Variants in CDH18 observed in about 807,000 individuals in gnomAD.
CDH18 encodes the protein cadherin 18, also known as cadherin-18.
Under a neutral mutation model 67.9 loss-of-function variants are expected in CDH18, and 31 were observed. That is an observed-to-expected ratio of 0.46 (90% CI 0.34 to 0.62). CDH18 has a LOEUF of 0.62. CDH18 is among the 20% of genes least tolerant of loss of function. The probability of loss-of-function intolerance (pLI) is 0.01; values close to 1 mark genes in which losing one functional copy is unlikely to be tolerated. For synonymous variants in CDH18, 362 were observed against 347.2 expected (o/e 1.04, Z -0.48); for missense variants, 890 against 975.5 (o/e 0.91, Z 1.17).
chr5:20,324,086 T>C (rs1194076715), intron 1 of CDH18, among the ~76,000 whole-genome samples: 1 of 152,212 alleles, frequency 6.6e-6, no homozygotes, highest in Non-Finnish European at 1.5e-5. Context: ...ATCAACTAGT[T>C]GTTTTCCAAA....
At chr5:20,211,250 C>G (rs187541766) in intron 2 of CDH18, among the ~76,000 whole-genome samples, 2 of 152,202 alleles carry the variant, frequency 1.3e-5, no homozygotes, top group East Asian at 3.9e-4. Context: ...AACAAAGCAG[C>G]CGGGAAGCTC....
At chr5:20,223,500 G>A (rs143655095) in intron 2 of CDH18, among the ~76,000 whole-genome samples, 8,656 of 152,108 alleles carry the variant, frequency 0.057, 313 homozygotes, top group African/African-American at 0.088. Flanking sequence ...TAAGACTTTT[G>A]GGGACTGTTG....
At chr5:20,131,593 G>A (rs2126476612) in intron 2 of CDH18, among the ~76,000 whole-genome samples, 2 of 152,150 alleles carry the variant, frequency 1.3e-5, no homozygotes, top group Middle Eastern at 6.8e-3. Flanking sequence ...GTACATTTGT[G>A]TGTCTGTATG....
chr5:19,922,479 A>G (rs1792599794), intron 2 of CDH18, among the ~76,000 whole-genome samples: 1 of 152,182 alleles, frequency 6.6e-6, no homozygotes, highest in South Asian at 2.1e-4. Context: ...ATAAGCATCA[A>G]ATGCTATCAT....
At chr5:19,498,101 A>G (rs532395712) in intron 11 of CDH18, among the ~76,000 whole-genome samples, 1 of 152,282 alleles carries the variant, frequency 6.6e-6, no homozygotes, top group Admixed American at 6.5e-5. Context: ...CAACTAAGGA[A>G]TCTTAAATTT....
chr5:19,930,539 C>A (rs995034080), intron 2 of CDH18, among the ~76,000 whole-genome samples: 5 of 152,026 alleles, frequency 3.3e-5, no homozygotes, highest in Admixed American at 2.6e-4. Context: ...GTTCTACAAT[C>A]ATATCAATCA....
intron 2 of CDH18, among the ~76,000 whole-genome samples, chr5:20,101,097 A>C (rs1746424055): frequency 6.6e-6 from 1 of 151,776 alleles, no homozygotes; most frequent in Non-Finnish European, 1.5e-5. Context: ...GACTACAGGT[A>C]TGTACACCAC....
intron 1 of CDH18, chr5:20,304,039 G>A (rs556340879): frequency 2.5e-4 from 391 of 1,535,274 alleles, no homozygotes; most frequent in Non-Finnish European, 3.4e-4. Context: ...AGCCGACTTC[G>A]CGTGTTCAGG....
chr5:19,742,120 T>C (rs993989597), intron 4 of CDH18, among the ~76,000 whole-genome samples: 2 of 152,178 alleles, frequency 1.3e-5, no homozygotes, highest in African/African-American at 4.8e-5. Flanking sequence ...CTATCCAAAA[T>C]GTCTCAGACT....
chr5:19,569,910 ATAAAT>A (rs201869540), intron 8 of CDH18, among the ~76,000 whole-genome samples: 3,898 of 152,238 alleles, frequency 0.026, 62 homozygotes, highest in Non-Finnish European at 0.041. Flanking sequence ...TTAATAAAAA[ATAAAT>A]TAAACTAATG....
At chr5:20,318,565 TA>T (rs1737679190) in intron 1 of CDH18, among the ~76,000 whole-genome samples, 1 of 152,008 alleles carries the variant, frequency 6.6e-6, no homozygotes, top group Non-Finnish European at 1.5e-5. Context: ...TCTGCTTGTT[TA>T]AATGTGTGTG....
intron 1 of CDH18, among the ~76,000 whole-genome samples, chr5:20,486,681 G>GTGTATATATATATA (rs1753200873): frequency 1.6e-5 from 2 of 122,602 alleles, no homozygotes; most frequent in African/African-American, 3.2e-5. Context: ...TGCTATTTTT[G>GTGTATATATATATA]TATATATATA....
chr5:20,494,290 A>G (rs1753776140), intron 1 of CDH18, among the ~76,000 whole-genome samples: 1 of 151,718 alleles, frequency 6.6e-6, no homozygotes, highest in Non-Finnish European at 1.5e-5. Flanking sequence ...GAGTGTAGAT[A>G]TTAGAAGTAC....
intron 5 of CDH18, among the ~76,000 whole-genome samples, chr5:19,705,972 G>A (rs1181666787): frequency 2.6e-5 from 4 of 152,152 alleles, no homozygotes; most frequent in Non-Finnish European, 5.9e-5. Flanking sequence ...TCACAGATGG[G>A]TCTAGTAATG....
chr5:20,347,785 GTGCAGA>G (rs1208132984), intron 1 of CDH18, among the ~76,000 whole-genome samples: 2 of 152,176 alleles, frequency 1.3e-5, no homozygotes, highest in African/African-American at 4.8e-5. Context: ...ACTCAAGCAT[GTGCAGA>G]TGCAACACCC....
At chr5:19,993,248 G>A (rs1300941665) in intron 2 of CDH18, among the ~76,000 whole-genome samples, 1 of 152,028 alleles carries the variant, frequency 6.6e-6, no homozygotes, top group Non-Finnish European at 1.5e-5. Context: ...ACCAAAACCT[G>A]TGAATATGAT....
intron 2 of CDH18, among the ~76,000 whole-genome samples, chr5:20,251,059 T>C (rs1470569117): frequency 6.6e-6 from 1 of 152,190 alleles, no homozygotes; most frequent in Non-Finnish European, 1.5e-5. Flanking sequence ...ACTTGTAAGA[T>C]AAAATTTGTG....
chr5:20,170,170 C>T (rs1736583676), intron 2 of CDH18, among the ~76,000 whole-genome samples: 1 of 151,936 alleles, frequency 6.6e-6, no homozygotes, highest in Non-Finnish European at 1.5e-5. Flanking sequence ...CTGATGCTTT[C>T]CCTCTTCTTA....
At chr5:19,553,852 T>C (rs943216756) in intron 8 of CDH18, among the ~76,000 whole-genome samples, 2 of 151,952 alleles carry the variant, frequency 1.3e-5, no homozygotes, top group Non-Finnish European at 2.9e-5. Context: ...CAGGCTGGTA[T>C]TGAACTCCTG....
Sources: gnomAD v4.1 joint callset for allele counts (sites outside exome capture counted in the v4.1 genomes callset) on GRCh38, gnomAD v4.1.1 for gene constraint, MANE v1.5 for transcripts, NCBI Gene and HGNC (gene_info 2026-07-23, HGNC 2026-07-21) for gene names.